Variants in FAM50A observed in about 807,000 individuals in gnomAD.
The protein encoded by FAM50A is protein FAM50A.
A neutral mutation model predicts 35.5 loss-of-function variants in FAM50A; 6 were observed. The ratio of observed to expected loss-of-function variants is 0.17; its 90% CI spans 0.09 to 0.33. The LOEUF is 0.33. Ranked by LOEUF, FAM50A falls within the 10% of genes least tolerant of loss-of-function variation. The pLI, the probability that FAM50A is intolerant of heterozygous loss-of-function variation, is 1.00. For synonymous variants in FAM50A, 120 were observed against 110.9 expected (o/e 1.08, Z -0.52); for missense variants, 145 against 295.5 (o/e 0.49, Z 3.73).
intron 5 of FAM50A, 53 bp downstream of exon 5, chrX:154,448,613 C>G (rs1452907457): frequency 5.9e-6 from 7 of 1,185,148 alleles, no homozygotes; most frequent in Middle Eastern, 2.3e-4. Context: ...TGGTGGAGAC[C>G]CTTGCTTAGG....
At chrX:154,448,172 G>A (rs782488501) in intron 4 of FAM50A, among the ~76,000 whole-genome samples, 2 of 105,105 alleles carry the variant, frequency 1.9e-5, no homozygotes, top group Non-Finnish European at 3.9e-5. Flanking sequence ...AGGCTCAAGC[G>A]ATCCTCCCAC....
rs1378410940 is a variant in FAM50A at position 154,444,183 on chromosome X, C to T, written c.-53C>T. The T allele has an allele frequency of 8.7e-6, 4 of 457,856 alleles. No homozygotes were observed. The highest frequency in any genetic ancestry group is 1.1e-5 in the Non-Finnish European group (4 of 368,441). The allele number at this position is 457,856 out of a possible 1,213,427, so 37.7% of individuals were successfully genotyped here. A position where few individuals can be genotyped will look rare whatever the true frequency, so the allele number is the denominator to read the frequency against. ...CCACCGCCGCTGCCGCTGCCGCTGT[C>T]GCTGTCGCCGCCGCCGCCGCCCGCC... On this transcript the variant is annotated 5_prime_UTR_variant, in exon 1 of 13. Coordinates refer to ENST00000393600, the MANE Select transcript of FAM50A (RefSeq NM_004699.4).
At position 154,444,358 on chromosome X, in the gene FAM50A, G is replaced by C. The variant is rs1300664534; in HGVS notation, c.111+12G>C. ...AGCGCATCGCGGAGGTGCGAGCCGG[G>C]GAGCCTCGGAGCATGCGCGCTGCCC... is the stretch of plus-strand genomic sequence containing the variant. On this transcript the variant is annotated intron_variant, in intron 1 of 12. Transcript: ENST00000393600. The C allele has an allele frequency of 5.9e-6, 6 of 1,009,970 alleles. No homozygotes were observed. Among genetic ancestry groups the C allele is most frequent in the Non-Finnish European group, 7.8e-6 (6 of 765,404 alleles). 83.2% of individuals were successfully genotyped at this position (1,009,970 alleles called of 1,213,427 possible).
chrX:154,446,551 G>T lies in FAM50A; in HGVS notation c.433G>T (p.Glu145Ter). ...EEAAMYEEEM[E>*]REEITTKKRK... ...GGCGGCCATGTATGAGGAGGAGATGGAAAGGGAAGGTGAGGGCTGGCTTGA... is the reference window on the plus strand; with the variant it reads ...GGCGGCCATGTATGAGGAGGAGATGTAAAGGGAAGGTGAGGGCTGGCTTGA... Residue 145 changes from glutamate (E) to a stop codon, truncating the protein, a stop_gained, in exon 4 of 13, where the codon GAA becomes TAA. Transcript: ENST00000393600. LOFTEE classifies it high-confidence loss of function. 1 of 1,169,278 alleles carries T rather than the reference G, an allele frequency of 8.6e-7. No individual in the cohort carries two copies. Among genetic ancestry groups the T allele is most frequent in the Non-Finnish European group, 1.1e-6 (1 of 871,802 alleles).
chrX:154,450,078 C>T lies in FAM50A; in HGVS notation c.879C>T (p.Asp293=), dbSNP rs146149675. 3,307 of 1,208,363 alleles carry T rather than the reference C, an allele frequency of 2.7e-3. 4 individuals carry two copies. Among genetic ancestry groups the T allele is most frequent in the Non-Finnish European group, 3.4e-3 (3,044 of 894,296 alleles). Residue 293 remains aspartate, a synonymous_variant, in exon 11 of 13, where the codon GAC becomes GAT. Transcript: ENST00000393600. ...DVHDDVRLLS[D]ATVEKDESHA... ...ATGACGATGTGCGGTTGCTCAGTGA[C>T]GCCACTGTGGAGAAGGATGAGGTAC...
rs1557199480 is a variant in FAM50A at position 154,444,196 on chromosome X, G to GCCGC, written c.-38_-35dup. On this transcript the variant is annotated 5_prime_UTR_variant, in exon 1 of 13. Coordinates refer to ENST00000393600, the MANE Select transcript of FAM50A (RefSeq NM_004699.4). ...CGCTGCCGCTGTCGCTGTCGCCGCC[G>GCCGC]CCGCCGCCCGCCGCCGCCGCCGCCG... 17 of 583,527 alleles carry GCCGC rather than the reference G, an allele frequency of 2.9e-5. No individual in the cohort carries two copies. The highest frequency in any genetic ancestry group is 2.5e-4 in the Admixed American group (3 of 11,811). 48.1% of individuals were successfully genotyped at this position (583,527 alleles called of 1,213,427 possible).
chrX:154,446,021 A>G, intron 3 of FAM50A, 110 bp downstream of exon 3: 1 of 552,433 alleles, frequency 1.8e-6, no homozygotes, highest in South Asian at 2.7e-5. Context: ...GCTTTGGGAC[A>G]GGGGTAGCAT....
At chrX:154,444,476 C>A in intron 1 of FAM50A, 130 bp downstream of exon 1, 1 of 270,244 alleles carries the variant, frequency 3.7e-6, no homozygotes. Context: ...AGGCCCCTGG[C>A]TCGCTGACTT....
chrX:154,445,777 G>T (rs782673691), intron 2 of FAM50A, 35 bp from the exon 3 acceptor site: 11 of 1,196,202 alleles, frequency 9.2e-6, no homozygotes, highest in Non-Finnish European at 1.2e-5. Context: ...CTGGCCCTGC[G>T]ACTACCTTGC....
Position 154,449,924 on chromosome X carries a change from G to T in FAM50A, c.822G>T (p.Gly274=). The T allele has an allele frequency of 8.3e-7, 1 of 1,211,566 alleles. No homozygotes were observed. The highest frequency in any genetic ancestry group is 1.1e-6 in the Non-Finnish European group (1 of 895,208). The change falls in exon 10 of 13, where the codon GGG becomes GGT. Residue 274 remains glycine (G), a synonymous_variant. Transcript: ENST00000393600. Reference sequence around the variant, plus strand: ...ACTTCATCGTCACCAAGGCACGGGGGAAGAGTGGTGAGTGCCGCCGACCCA... The same window carrying T: ...ACTTCATCGTCACCAAGGCACGGGGTAAGAGTGGTGAGTGCCGCCGACCCA... ...FYDFIVTKAR[G]KSGPLFNFDV...
chrX:154,449,547 C>T (rs1229895850), intron 8 of FAM50A, 134 bp from the exon 9 acceptor site: 3 of 571,628 alleles, frequency 5.2e-6, no homozygotes, highest in African/African-American at 2.3e-5. Flanking sequence ...CTCACTAAAC[C>T]ATGGAGCTTC....
At chrX:154,449,604 C>A in intron 8 of FAM50A, 77 bp from the exon 9 acceptor site, 1 of 934,466 alleles carries the variant, frequency 1.1e-6, no homozygotes, top group Non-Finnish European at 1.5e-6. Flanking sequence ...CATGGGCTCT[C>A]CTGGGCTGGC....
At chrX:154,446,960 A>C (rs782141070) in intron 4 of FAM50A, among the ~76,000 whole-genome samples, 2 of 112,334 alleles carry the variant, frequency 1.8e-5, no homozygotes, top group Non-Finnish European at 3.8e-5. Context: ...ATGGCTGGGG[A>C]GTGAGGGTAA....
In FAM50A at chrX:154,444,203, CCCGCCGCCG is replaced by C. The variant is rs781785747; in HGVS notation, c.-13_-5del. The C allele has an allele frequency of 6.1e-4, 389 of 639,984 alleles. 5 individuals carry two copies. In the Admixed American group the frequency reaches 0.023, roughly 38 times the overall value. The allele number at this position is 639,984 out of a possible 1,213,427, so 52.7% of individuals were successfully genotyped here. A position where few individuals can be genotyped will look rare whatever the true frequency, so the allele number is the denominator to read the frequency against. On this transcript the variant is annotated 5_prime_UTR_variant, in exon 1 of 13. Coordinates refer to ENST00000393600, the MANE Select transcript of FAM50A (RefSeq NM_004699.4). ...GCTGTCGCTGTCGCCGCCGCCGCCG[CCCGCCGCCG>C]CCGCCGCCGCCGCCGCCGCTGCCAT...
chrX:154,446,825 T>C (rs1234156752), intron 4 of FAM50A, among the ~76,000 whole-genome samples: 1 of 112,380 alleles, frequency 8.9e-6, no homozygotes, highest in Non-Finnish European at 1.9e-5. Context: ...ACTGGGGCAC[T>C]AAATGGTGAA....
chrX:154,446,407 C>T lies in FAM50A; in HGVS notation c.297-8C>T, dbSNP rs1355129543. On this transcript the variant is annotated splice_region_variant and splice_polypyrimidine_tract_variant and intron_variant, in intron 3 of 12. Transcript: ENST00000393600. ...TGATGTGTGATGGGGCCACCTGCAC[C>T]TCACTAGGAAGCTGGAGAAGCTTCG... 1.6e-5 allele frequency: 19 copies of T among 1,207,805 alleles called. No homozygotes were observed. The Admixed American group carries it at 4.1e-4, about 26-fold the overall frequency.
At chrX:154,449,046 C>T in intron 7 of FAM50A, 92 bp downstream of exon 7, 2 of 975,100 alleles carry the variant, frequency 2.1e-6, no homozygotes, top group Middle Eastern at 3.2e-4. Context: ...CTTGGGAAGC[C>T]CCAGGGATCC....
chrX:154,447,153 G>A (rs781842008), intron 4 of FAM50A, among the ~76,000 whole-genome samples: 10 of 112,507 alleles, frequency 8.9e-5, no homozygotes, highest in Non-Finnish European at 1.5e-4. Context: ...GGAGGGTTGA[G>A]TTAGGCCCTA....
In FAM50A at chrX:154,444,141, A is replaced by C. The variant is rs2068769606; in HGVS notation, c.-95A>C. The stretch of plus-strand genomic sequence containing the variant: ...TGGCTGACGTCACGGCGCGGGCGTC[A>C]GCTGACTGTTCGGCCGCCACCGCCG... On this transcript the variant is annotated 5_prime_UTR_variant, in exon 1 of 13. Transcript: ENST00000393600. 5.5e-6 allele frequency: 1 copy of C among 181,389 alleles called. No homozygotes were observed. Among genetic ancestry groups the C allele is most frequent in the Admixed American group, 9.5e-5 (1 of 10,556 alleles). 14.9% of individuals were successfully genotyped at this position (181,389 alleles called of 1,213,427 possible).
Sources: gnomAD v4.1 joint callset for allele counts (sites outside exome capture counted in the v4.1 genomes callset) on GRCh38, gnomAD v4.1.1 for gene constraint, MANE v1.5 for transcripts, NCBI Gene and HGNC (gene_info 2026-07-23, HGNC 2026-07-21) for gene names.